The following FAAH variants were observed in gnomAD, a reference collection of about 807,000 sequenced individuals.
FAAH encodes fatty-acid amide hydrolase 1.
FAAH carries 63 observed loss-of-function variants against 69.7 expected under a neutral mutation model. The observed-to-expected ratio is 0.90, with a 90% CI of 0.74 to 1.12. The LOEUF (loss-of-function observed/expected upper bound fraction) is 1.12, where lower values mean the gene tolerates loss of function less well. FAAH is among the 50% of genes most tolerant of loss of function. The probability of loss-of-function intolerance (pLI) is 0.00; values close to 1 mark genes in which losing one functional copy is unlikely to be tolerated. For synonymous variants in FAAH, 305 were observed against 324.2 expected (o/e 0.94, Z 0.64); for missense variants, 680 against 755.0 (o/e 0.90, Z 1.16).
chr1:46,411,013 T>A lies in FAAH; in HGVS notation c.1316+159T>A. The A allele has an allele frequency of 1.2e-6, 1 of 829,922 alleles. No individual in the cohort carries two copies. The highest frequency in any genetic ancestry group is 2.0e-6 in the Non-Finnish European group (1 of 490,600). The allele number at this position is 829,922 out of a possible 1,614,324, so 51.4% of individuals were successfully genotyped here. A position where few individuals can be genotyped will look rare whatever the true frequency, so the allele number is the denominator to read the frequency against. On this transcript the variant is annotated intron_variant, in intron 11 of 14. Transcript: ENST00000243167. This position sits in a 1 kb window ranked among gnomAD's most constrained non-coding sequence, Gnocchi z 4.8. The stretch of plus-strand genomic sequence containing the variant: ...CCTTTGTGGCCTTCAGATGGGACTT[T>A]GAAGTTGTCTTGGCAAGGTCCAGTT...
chr1:46,404,576 T>C lies in FAAH; in HGVS notation c.310-438T>C. On this transcript the variant is annotated intron_variant, in intron 2 of 14. Transcript: ENST00000243167. This position sits in a 1 kb window ranked among gnomAD's most constrained non-coding sequence, Gnocchi z 4.5. The stretch of plus-strand genomic sequence containing the variant: ...TGCTGGGCTCCGGGAGGCAGGAGTC[T>C]GGTCTAGTCCTGCTCTGTGGTTGCC... 6.6e-6 allele frequency among the ~76,000 whole-genome samples: 1 copy of C among 152,208 alleles called. No individual in the cohort carries two copies. The highest frequency in any genetic ancestry group is 1.5e-5 in the Non-Finnish European group (1 of 68,018).
chr1:46,394,640 G>T, intron 1 of FAAH, 97 bp downstream of exon 1: 1 of 1,083,616 alleles, frequency 9.2e-7, no homozygotes, highest in Non-Finnish European at 1.2e-6. Context: ...GATGGGGCGG[G>T]CAGAGCAGAT....
chr1:46,402,694 A>AT (rs778164719), intron 2 of FAAH, among the ~76,000 whole-genome samples: 309 of 134,124 alleles, frequency 2.3e-3, no homozygotes, highest in East Asian at 2.6e-3. Context: ...AAGAAAAAAA[A>AT]TTTTTTTTTT....
rs1192603133 is a variant in FAAH at position 46,411,153 on chromosome 1, C to G, written c.1316+299C>G. 2.0e-5 allele frequency among the ~76,000 whole-genome samples: 3 copies of G among 152,160 alleles called. No homozygotes were observed. Among genetic ancestry groups the G allele is most frequent in the African/African-American group, 4.8e-5 (2 of 41,440 alleles). ...ACCAGGAAGTGGGGGTTGGCCTGGG[C>G]CAAGGGTGGGGCACCCGGGAGAGAT... is the stretch of plus-strand genomic sequence containing the variant. On this transcript the variant is annotated intron_variant, in intron 11 of 14. Transcript: ENST00000243167. The surrounding 1 kb of genome is among the most constrained non-coding windows in gnomAD (Gnocchi z 4.8).
chr1:46,398,759 T>C, intron 1 of FAAH, among the ~76,000 whole-genome samples: 1 of 152,146 alleles, frequency 6.6e-6, no homozygotes, highest in Non-Finnish European at 1.5e-5. Flanking sequence ...GGTCTCGAAC[T>C]CCTGACCTCA....
At position 46,394,443 on chromosome 1, in the gene FAAH, C is replaced by T. The variant is rs759641614; in HGVS notation, c.95C>T (p.Ser32Phe). The T allele has an allele frequency of 6.5e-6, 9 of 1,389,860 alleles. No individual in the cohort carries two copies. Among genetic ancestry groups the T allele is most frequent in the Non-Finnish European group, 8.3e-6 (9 of 1,079,570 alleles). The allele number at this position is 1,389,860 out of a possible 1,614,324, so 86.1% of individuals were successfully genotyped here. The change falls in exon 1 of 15, where the codon TCC (serine) becomes TTC (phenylalanine). Residue 32 changes from serine to phenylalanine, a missense_variant. Coordinates refer to ENST00000243167, the MANE Select transcript of FAAH (RefSeq NM_001441.3). ...GCGGCGGCCGTGGCCCTGCGCTGGT[C>T]CGGGCGCCGGACGGCGCGGGGCGCG... The part of the protein sequence containing the change: ...FVAAAVALRW[S>F]GRRTARGAVV...
At chr1:46,399,405 A>G (rs950389321) in intron 1 of FAAH, among the ~76,000 whole-genome samples, 3 of 152,230 alleles carry the variant, frequency 2.0e-5, no homozygotes, top group Non-Finnish European at 4.4e-5. Context: ...CTAGGAGAAA[A>G]TGTCTCAGCT....
chr1:46,403,601 A>G (rs1391471572), intron 2 of FAAH, among the ~76,000 whole-genome samples: 1 of 152,212 alleles, frequency 6.6e-6, no homozygotes, highest in Non-Finnish European at 1.5e-5. Flanking sequence ...GGGTGTCAGC[A>G]GCTCTGCACT....
In FAAH at chr1:46,413,003, G is replaced by A. The variant is rs1664944090; in HGVS notation, c.1466-72G>A. On this transcript the variant is annotated intron_variant, in intron 13 of 14. Transcript: ENST00000243167. Reference sequence around the variant, plus strand: ...AGACACAGGGTGCCATTTCATATGAGGTTTGACTCAGGCCCGGAGTTGGCA... The same window carrying A: ...AGACACAGGGTGCCATTTCATATGAAGTTTGACTCAGGCCCGGAGTTGGCA... The A allele has an allele frequency of 2.5e-6, 4 of 1,585,746 alleles. No individual in the cohort carries two copies. In the East Asian group the frequency reaches 9.0e-5, roughly 36 times the overall value.
At position 46,404,006 on chromosome 1, in the gene FAAH, G is replaced by C. The variant is rs1025674612; in HGVS notation, c.310-1008G>C. Among the ~76,000 whole-genome samples, 2 of 152,208 alleles carry C rather than the reference G, an allele frequency of 1.3e-5. No homozygotes were observed. Among genetic ancestry groups the C allele is most frequent in the African/African-American group, 4.8e-5 (2 of 41,454 alleles). Reference sequence around the variant, plus strand: ...CTGCATGATTTCTTGAAAGGGTGTGGGACAGTGAGTGTGACCCCTAGGCAG... The same window carrying C: ...CTGCATGATTTCTTGAAAGGGTGTGCGACAGTGAGTGTGACCCCTAGGCAG... On this transcript the variant is annotated intron_variant, in intron 2 of 14. Transcript: ENST00000243167. This position sits in a 1 kb window ranked among gnomAD's most constrained non-coding sequence, Gnocchi z 4.5.
At chr1:46,399,363 G>T (rs1402564973) in intron 1 of FAAH, among the ~76,000 whole-genome samples, 1 of 152,224 alleles carries the variant, frequency 6.6e-6, no homozygotes, top group Non-Finnish European at 1.5e-5. Flanking sequence ...TTCACTGATT[G>T]GTCTTCTGGA....
rs1347124296 is a variant in FAAH, at chr1:46,394,524, C to T, written c.176C>T (p.Ala59Val). 8.0e-6 allele frequency: 11 copies of T among 1,374,492 alleles called. No individual in the cohort carries two copies. Among genetic ancestry groups the T allele is most frequent in the South Asian group, 5.1e-5 (3 of 58,436 alleles). 85.1% of individuals were successfully genotyped at this position (1,374,492 alleles called of 1,614,324 possible). A position where few individuals can be genotyped will look rare whatever the true frequency, so the allele number is the denominator to read the frequency against. The part of the protein sequence containing the change: ...RAGLENMDRA[A>V]QRFRLQNPDL... ...GGCCTGGAGAACATGGACAGGGCGG[C>T]GCAGCGCTTCCGGCTCCAGGTGACT... Residue 59 changes from alanine (A) to valine (V), a missense_variant, in exon 1 of 15, where the codon GCG (alanine) becomes GTG (valine). Ala to Val is a moderately conservative substitution (Grantham distance 64, BLOSUM62 0). Coordinates refer to ENST00000243167, the MANE Select transcript of FAAH (RefSeq NM_001441.3).
chr1:46,406,577 T>G (rs995942993), intron 7 of FAAH, among the ~76,000 whole-genome samples: 15 of 147,936 alleles, frequency 1.0e-4, no homozygotes, highest in African/African-American at 3.7e-4. Context: ...TTCCTTTTCT[T>G]TCTTTCTTTT....
chr1:46,395,096 A>G (rs1664573911), intron 1 of FAAH, among the ~76,000 whole-genome samples: 1 of 152,170 alleles, frequency 6.6e-6, no homozygotes, highest in Admixed American at 6.5e-5. Context: ...GCCCGCCACT[A>G]CGCCTGGCTA....
intron 12 of FAAH, 139 bp from the exon 13 acceptor site, chr1:46,412,004 C>T: frequency 1.3e-6 from 1 of 775,280 alleles, no homozygotes; most frequent in Non-Finnish European, 2.3e-6. Context: ...GCCCGGAGGA[C>T]CTGTGTCCCA....
Position 46,405,296 on chromosome 1 carries a change from G to C in FAAH, c.445-76G>C, listed in dbSNP as rs1664771078. 1 of 1,606,068 alleles carries C rather than the reference G, an allele frequency of 6.2e-7. No individual in the cohort carries two copies. The highest frequency in any genetic ancestry group is 8.5e-7 in the Non-Finnish European group (1 of 1,179,684). ...CTGGTATACCTGTTTTGGCCTGTGTGACAGTTGTTGGAGTGGACCCTTGGC... is the reference window on the plus strand; with the variant it reads ...CTGGTATACCTGTTTTGGCCTGTGTCACAGTTGTTGGAGTGGACCCTTGGC... On this transcript the variant is annotated intron_variant, in intron 3 of 14. Transcript: ENST00000243167. This position sits in a 1 kb window ranked among gnomAD's most constrained non-coding sequence, Gnocchi z 4.1.
intron 13 of FAAH, 78 bp from the exon 14 acceptor site, chr1:46,412,997 A>G (rs1033592411): frequency 3.2e-6 from 5 of 1,563,430 alleles, no homozygotes; most frequent in Non-Finnish European, 8.8e-7. Flanking sequence ...GTGCCATTTC[A>G]TATGAGGTTT....
chr1:46,395,974 CA>C (rs1664590270), intron 1 of FAAH, among the ~76,000 whole-genome samples: 1 of 151,866 alleles, frequency 6.6e-6, no homozygotes, highest in Non-Finnish European at 1.5e-5. Flanking sequence ...ACAGTGGGCC[CA>C]GGGGACCACC....
chr1:46,394,966 G>T (rs1664571690), intron 1 of FAAH, among the ~76,000 whole-genome samples: 1 of 152,156 alleles, frequency 6.6e-6, no homozygotes, highest in Non-Finnish European at 1.5e-5. Context: ...TTGAGACGGA[G>T]TCTCGCTCTG....
Sources: allele counts gnomAD v4.1 joint callset (sites outside exome capture counted in the v4.1 genomes callset), GRCh38; gene constraint gnomAD v4.1.1; non-coding constraint Gnocchi (gnomAD v3.1); transcripts MANE v1.5; gene names NCBI Gene and HGNC (gene_info 2026-07-23, HGNC 2026-07-21).